MRAP2: variants seen among roughly 807,000 people sequenced by gnomAD.
The protein encoded by MRAP2 is melanocortin-2 receptor accessory protein 2.
MRAP2 carries 20 observed loss-of-function variants against 17.4 expected under a neutral mutation model. That is an observed-to-expected ratio of 1.15 (90% CI 0.81 to 1.67). The LOEUF (loss-of-function observed/expected upper bound fraction) is 1.67. Ranked by LOEUF, MRAP2 falls within the 40% of genes most tolerant of loss-of-function variation. MRAP2 has a pLI of 0.00. For synonymous variants in MRAP2, 96 were observed against 88.4 expected (o/e 1.09, Z -0.48); for missense variants, 238 against 240.0 (o/e 0.99, Z 0.05).
intron 1 of MRAP2, among the ~76,000 whole-genome samples, chr6:84,042,712 T>A (rs1188328793): frequency 6.6e-6 from 1 of 152,142 alleles, no homozygotes; most frequent in Non-Finnish European, 1.5e-5. Context: ...CACCCCAAAC[T>A]CTGGTTTGCT....
the MRAP2 span, chr6:84,125,420 G>T: frequency 1.4e-5 from 10 of 692,648 alleles, no homozygotes; most frequent in African/African-American, 1.7e-4. Context: ...AACATTTTCT[G>T]TCTTCAAGGA....
chr6:84,144,948 A>G, the MRAP2 span, among the ~76,000 whole-genome samples: 23 of 152,166 alleles, frequency 1.5e-4, no homozygotes, highest in Admixed American at 3.9e-4. Flanking sequence ...AAATATTTGC[A>G]TAAGTTCAGT....
At chr6:84,146,051 C>CT in the MRAP2 span, among the ~76,000 whole-genome samples, 1 of 152,078 alleles carries the variant, frequency 6.6e-6, no homozygotes, top group Non-Finnish European at 1.5e-5. Flanking sequence ...ATTCTCAGCA[C>CT]TAAGACAATG....
intron 3 of MRAP2, among the ~76,000 whole-genome samples, chr6:84,081,493 G>C (rs534774283): frequency 6.6e-6 from 1 of 152,182 alleles, no homozygotes; most frequent in Non-Finnish European, 1.5e-5. Context: ...GTGATAGTGA[G>C]TTCTCACAAG....
chr6:84,055,245 A>G (rs1268317543), intron 1 of MRAP2, 67 bp from the exon 2 acceptor site: 1 of 1,542,780 alleles, frequency 6.5e-7, no homozygotes, highest in Non-Finnish European at 8.7e-7. Flanking sequence ...ATCAAGAGTA[A>G]TTAAGGTAAC....
rs149380507 is a variant in MRAP2, at chr6:84,041,855, G to C, written c.-8+7972G>C. Among the ~76,000 whole-genome samples, 1,157 of 152,280 alleles carry C rather than the reference G, an allele frequency of 7.6e-3. 17 individuals are homozygous for C. Among genetic ancestry groups the C allele is most frequent in the African/African-American group, 0.026 (1,091 of 41,540 alleles). On this transcript the variant is annotated intron_variant, in intron 1 of 3. Transcript: ENST00000257776. ...GCAGGAGTTGCCTTGTCTCAGGTGA[G>C]ACTTTGGACTTGGACTTTTGAGTTA...
intron 1 of MRAP2, among the ~76,000 whole-genome samples, chr6:84,035,837 A>G (rs2099485828): frequency 6.6e-6 from 1 of 152,336 alleles, no homozygotes; most frequent in Non-Finnish European, 1.5e-5. Flanking sequence ...TATTTTGCCA[A>G]TCAGAATTCA....
At chr6:84,126,581 A>C in the MRAP2 span, 2 of 1,160,538 alleles carry the variant, frequency 1.7e-6, no homozygotes, top group Non-Finnish European at 2.4e-6. Context: ...CTTGAAAATC[A>C]GAATATTTGT....
intron 3 of MRAP2, among the ~76,000 whole-genome samples, chr6:84,069,284 T>G (rs1366816586): frequency 6.6e-6 from 1 of 152,196 alleles, no homozygotes. Context: ...ATTCTGATTT[T>G]GCTGAGTTTT....
chr6:84,122,999 GCA>G, the MRAP2 span, among the ~76,000 whole-genome samples: 14 of 150,634 alleles, frequency 9.3e-5, no homozygotes, highest in Admixed American at 7.3e-4. Context: ...ACACACACAC[GCA>G]CACACACAGC....
chr6:84,117,005 CTCTTT>C, the MRAP2 span, among the ~76,000 whole-genome samples: 1 of 151,122 alleles, frequency 6.6e-6, no homozygotes, highest in Non-Finnish European at 1.5e-5. Context: ...TTTTTTCTTT[CTCTTT>C]TTTCTTCTTC....
At chr6:84,074,771 T>A (rs2099497159) in intron 3 of MRAP2, among the ~76,000 whole-genome samples, 1 of 152,176 alleles carries the variant, frequency 6.6e-6, no homozygotes, top group Non-Finnish European at 1.5e-5. Context: ...AGAGAGAATG[T>A]TTATCTGCCA....
chr6:84,073,870 TTGTG>T (rs746999407), intron 3 of MRAP2, among the ~76,000 whole-genome samples: 49 of 148,328 alleles, frequency 3.3e-4, no homozygotes, highest in African/African-American at 1.2e-3. Context: ...TATGAGATAT[TTGTG>T]TGTGTGTGTG....
chr6:84,114,662 T>G, the MRAP2 span, among the ~76,000 whole-genome samples: 1 of 152,192 alleles, frequency 6.6e-6, no homozygotes, highest in African/African-American at 2.4e-5. Flanking sequence ...CATTCTGGTT[T>G]TTAGAATTTT....
intron 3 of MRAP2, among the ~76,000 whole-genome samples, chr6:84,066,037 A>C (rs1426470462): frequency 6.6e-6 from 1 of 150,416 alleles, no homozygotes; most frequent in Non-Finnish European, 1.5e-5. Flanking sequence ...ACACACACAC[A>C]CATTGTGTTG....
intron 3 of MRAP2, among the ~76,000 whole-genome samples, chr6:84,077,264 A>G (rs78499431): frequency 0.015 from 2,354 of 152,340 alleles, 58 homozygotes; most frequent in African/African-American, 0.053. Flanking sequence ...TCTCCATGGC[A>G]TCAGTGACAT....
intron 3 of MRAP2, among the ~76,000 whole-genome samples, chr6:84,072,555 C>T (rs186414134): frequency 4.1e-4 from 62 of 152,350 alleles, no homozygotes; most frequent in African/African-American, 1.4e-3. Flanking sequence ...GGTTGGCCTC[C>T]TGCCGGGTCA....
intron 3 of MRAP2, among the ~76,000 whole-genome samples, chr6:84,087,250 A>T (rs1447571811): frequency 6.6e-6 from 1 of 152,200 alleles, no homozygotes; most frequent in Admixed American, 6.5e-5. Flanking sequence ...GAAAGGCGGG[A>T]CTACTCGAAG....
the MRAP2 span, among the ~76,000 whole-genome samples, chr6:84,119,868 T>G: frequency 2.0e-5 from 3 of 152,142 alleles, no homozygotes; most frequent in Non-Finnish European, 4.4e-5. Flanking sequence ...CAAAACCAAT[T>G]AAAGAAACTC....
Sources: allele counts gnomAD v4.1 joint callset (sites outside exome capture counted in the v4.1 genomes callset), GRCh38; gene constraint gnomAD v4.1.1; transcripts MANE v1.5; gene names NCBI Gene and HGNC (gene_info 2026-07-23, HGNC 2026-07-21).